Variants in CNTRL observed in about 807,000 individuals in gnomAD.
CNTRL encodes 110 kDa centrosomal protein.
Under a neutral mutation model 303.7 loss-of-function variants are expected in CNTRL, and 233 were observed. The observed-to-expected ratio is 0.77, with a 90% CI of 0.69 to 0.86. CNTRL has a LOEUF of 0.86. Among genes scored for constraint, CNTRL ranks in the 40% least tolerant of loss-of-function variants. CNTRL has a pLI of 0.00. For synonymous variants in CNTRL, 900 were observed against 922.2 expected, an observed-to-expected ratio of 0.98 and a Z score of 0.44; for missense variants, 2,524 against 2,650.6, an observed-to-expected ratio of 0.95 and a Z score of 1.05.
rs532173209 is a variant in CNTRL at position 121,110,349 on chromosome 9, G to C, written c.1003-2110G>C. On this transcript the variant is annotated intron_variant, in intron 8 of 43. Coordinates refer to ENST00000373855, the MANE Select transcript of CNTRL (RefSeq NM_007018.6). ...TTGAAATGAATCAAGCTAAGTAATG[G>C]AAGGTAGTAAATCTATAACTCAGAA... Among the ~76,000 whole-genome samples the C allele has an allele frequency of 1.0e-3, 156 of 152,142 alleles. 1 individual carries two copies. Among genetic ancestry groups the C allele is most frequent in the Non-Finnish European group, 2.0e-3 (135 of 68,004 alleles).
chr9:121,127,536 C>T (rs1056437983), intron 14 of CNTRL, among the ~76,000 whole-genome samples: 2 of 151,828 alleles, frequency 1.3e-5, no homozygotes, highest in Non-Finnish European at 2.9e-5. Context: ...TCCAAACTTG[C>T]AGGAAAGTTG....
At chr9:121,098,771 G>A (rs2048998759) in intron 7 of CNTRL, among the ~76,000 whole-genome samples, 199 bp downstream of exon 7, 1 of 151,476 alleles carries the variant, frequency 6.6e-6, no homozygotes, top group Non-Finnish European at 1.5e-5. Context: ...GATACAATGG[G>A]AAGGAAGACA....
At chr9:121,089,159 A>G (rs1465945016) in intron 3 of CNTRL, among the ~76,000 whole-genome samples, 1 of 152,244 alleles carries the variant, frequency 6.6e-6, no homozygotes, top group Non-Finnish European at 1.5e-5. Context: ...TAGCATTAAC[A>G]ACACTGAGTT....
chr9:121,101,866 C>T (rs1442324661), intron 7 of CNTRL, among the ~76,000 whole-genome samples: 1 of 152,170 alleles, frequency 6.6e-6, no homozygotes, highest in Non-Finnish European at 1.5e-5. Flanking sequence ...AGTTGAATCT[C>T]TGAATAGACC....
At chr9:121,116,717 T>C (rs1446886487) in intron 11 of CNTRL, among the ~76,000 whole-genome samples, 2 of 152,178 alleles carry the variant, frequency 1.3e-5, no homozygotes, top group Admixed American at 6.5e-5. Flanking sequence ...TGAAATGGAC[T>C]GAGTGAGATG....
chr9:121,143,016 A>G (rs2134021070), intron 19 of CNTRL, among the ~76,000 whole-genome samples: 1 of 152,040 alleles, frequency 6.6e-6, no homozygotes, highest in South Asian at 2.1e-4. Context: ...CAGCACTTCC[A>G]CTGGTTGTTC....
In CNTRL at chr9:121,165,025, C is replaced by T. The variant is rs1180415485; in HGVS notation, c.5506C>T (p.Gln1836Ter). 1 of 1,610,432 alleles carries T rather than the reference C, an allele frequency of 6.2e-7. No individual in the cohort carries two copies. Among genetic ancestry groups the T allele is most frequent in the Admixed American group, 1.7e-5 (1 of 59,198 alleles). Residue 1836 changes from glutamine to a stop codon, truncating the protein, a stop_gained, in exon 35 of 44, where the codon CAG (glutamine) becomes TAG (stop). Coordinates refer to ENST00000373855, the MANE Select transcript of CNTRL (RefSeq NM_007018.6). LOFTEE classifies it high-confidence loss of function. ...GGAATTGAATGTCAGAAAACTGCAG[C>T]AGGAACTAGACCAACTAAACAGAGA... ...KLELNVRKLQ[Q>*]ELDQLNRDKL...
intron 8 of CNTRL, among the ~76,000 whole-genome samples, chr9:121,109,381 A>C (rs1359515950): frequency 6.6e-6 from 1 of 152,188 alleles, no homozygotes; most frequent in East Asian, 1.9e-4. Context: ...TAACTTTCAC[A>C]AAACAGCATA....
chr9:121,080,662 C>T (rs1437198614), intron 2 of CNTRL, among the ~76,000 whole-genome samples, 184 bp downstream of exon 2: 1 of 152,004 alleles, frequency 6.6e-6, no homozygotes, highest in African/African-American at 2.4e-5. Flanking sequence ...GCGATGGACC[C>T]GATTTTCTTG....
At chr9:121,137,879 G>A (rs1283803957) in intron 15 of CNTRL, among the ~76,000 whole-genome samples, 1 of 152,006 alleles carries the variant, frequency 6.6e-6, no homozygotes, top group African/African-American at 2.4e-5. Flanking sequence ...ATTATTTTAA[G>A]AGCCTGGCCT....
intron 7 of CNTRL, among the ~76,000 whole-genome samples, chr9:121,104,591 G>T (rs981574022): frequency 2.0e-5 from 3 of 151,934 alleles, no homozygotes; most frequent in Admixed American, 2.0e-4. Flanking sequence ...CAGATAGACT[G>T]GAGGACAGCT....
Position 121,135,943 on chromosome 9 carries a change from G to A in CNTRL, c.2163G>A (p.Gln721=). Residue 721 remains glutamine, a synonymous_variant, in exon 15 of 44, where the codon CAG becomes CAA. Transcript: ENST00000373855. The part of the protein sequence containing the change: ...RLNLRDAEAN[Q]LKEELEKVTR... ...ACCTAAGGGATGCTGAAGCCAACCA[G>A]CTCAAGGAAGAGTTGGAAAAAGTAA... The A allele has an allele frequency of 6.2e-7, 1 of 1,612,266 alleles. No homozygotes were observed. Among genetic ancestry groups the A allele is most frequent in the Non-Finnish European group, 8.5e-7 (1 of 1,178,800 alleles).
At chr9:121,166,045 A>G in intron 35 of CNTRL, 62 bp from the exon 36 acceptor site, 1 of 1,283,450 alleles carries the variant, frequency 7.8e-7, no homozygotes, top group Non-Finnish European at 1.1e-6. Context: ...GGGAATGCTA[A>G]TGGGAATCTG....
At chr9:121,075,090 C>T (rs1588017268) in intron 1 of CNTRL, 23 bp downstream of exon 1, 1 of 379,936 alleles carries the variant, frequency 2.6e-6, no homozygotes, top group Non-Finnish European at 5.3e-6. Context: ...CCTGGCCGAG[C>T]CCGTTCCCCG....
At chr9:121,145,728 C>A (rs990584724) in intron 22 of CNTRL, among the ~76,000 whole-genome samples, 2 of 152,002 alleles carry the variant, frequency 1.3e-5, no homozygotes, top group African/African-American at 4.8e-5. Flanking sequence ...CACCCTGTCT[C>A]TACTAAAAAA....
At chr9:121,108,667 C>G (rs1322397221) in intron 8 of CNTRL, among the ~76,000 whole-genome samples, 2 of 152,036 alleles carry the variant, frequency 1.3e-5, no homozygotes, top group African/African-American at 4.8e-5. Flanking sequence ...GGCGCCATCG[C>G]TCATGCCTTT....
intron 11 of CNTRL, 27 bp from the exon 12 acceptor site, chr9:121,118,319 T>G: frequency 1.4e-6 from 2 of 1,473,980 alleles, no homozygotes; most frequent in Non-Finnish European, 1.8e-6. Flanking sequence ...TCTCTGTTAA[T>G]TATATATTGG....
At position 121,088,321 on chromosome 9, in the gene CNTRL, C is replaced by T. The variant is rs2048425916; in HGVS notation, c.-6C>T. On this transcript the variant is annotated 5_prime_UTR_variant, in exon 3 of 44. Coordinates refer to ENST00000373855, the MANE Select transcript of CNTRL (RefSeq NM_007018.6). ...GTTTTGATGAACACCTGGCTTTATTCTTGCAATGAAGAAAGGTTCTCAACA... is the reference window on the plus strand; with the variant it reads ...GTTTTGATGAACACCTGGCTTTATTTTTGCAATGAAGAAAGGTTCTCAACA... 1 of 1,586,082 alleles carries T rather than the reference C, an allele frequency of 6.3e-7. No homozygotes were observed. The highest frequency in any genetic ancestry group is 1.3e-5 in the African/African-American group (1 of 74,330).
intron 12 of CNTRL, 78 bp downstream of exon 12, chr9:121,118,618 T>A: frequency 8.1e-7 from 1 of 1,228,788 alleles, no homozygotes; most frequent in South Asian, 2.0e-5. Context: ...GAGTCCAGAG[T>A]CCTTTCTGAA....
Sources: gnomAD v4.1 joint callset for allele counts (sites outside exome capture counted in the v4.1 genomes callset) on GRCh38, gnomAD v4.1.1 for gene constraint, MANE v1.5 for transcripts, NCBI Gene and HGNC (gene_info 2026-07-23, HGNC 2026-07-21) for gene names.